Variants in ARMC2 observed in about 807,000 individuals in gnomAD.
ARMC2 encodes armadillo repeat-containing protein 2.
In ARMC2, 67 loss-of-function variants were observed where a neutral mutation model predicts 90.3. The ratio of observed to expected loss-of-function variants is 0.74; its 90% CI spans 0.61 to 0.91. The LOEUF (loss-of-function observed/expected upper bound fraction) is 0.91. Ranked by LOEUF, ARMC2 falls within the 40% of genes least tolerant of loss-of-function variation. The probability of loss-of-function intolerance (pLI) is 0.00; values close to 1 mark genes in which losing one functional copy is unlikely to be tolerated. For missense variants in ARMC2, 920 were observed against 1,030.9 expected, an observed-to-expected ratio of 0.89 and a Z score of 1.47; for synonymous variants, 393 against 393.0, an observed-to-expected ratio of 1.00 and a Z score of 0.00.
chr6:108,994,796 A>T, the ARMC2 span, among the ~76,000 whole-genome samples: 1 of 146,928 alleles, frequency 6.8e-6, no homozygotes, highest in East Asian at 2.1e-4. Context: ...TCCACCTCCC[A>T]GGTTCACGCC....
At chr6:109,032,272 C>CA in the ARMC2 span, among the ~76,000 whole-genome samples, 2 of 151,442 alleles carry the variant, frequency 1.3e-5, no homozygotes, top group African/African-American at 4.9e-5. Flanking sequence ...AACTCTGCCT[C>CA]AAAAAAGTCT....
At chr6:108,926,224 C>G (rs1200848926) in intron 10 of ARMC2, among the ~76,000 whole-genome samples, 1 of 152,132 alleles carries the variant, frequency 6.6e-6, no homozygotes, top group Non-Finnish European at 1.5e-5. Flanking sequence ...CCCATGATGT[C>G]TGTCTGCATG....
At chr6:109,034,158 T>C in the ARMC2 span, among the ~76,000 whole-genome samples, 11,012 of 152,264 alleles carry the variant, frequency 0.072, 907 homozygotes, top group African/African-American at 0.2. Flanking sequence ...CCTGTCTTAC[T>C]TGGAATATAA....
chr6:109,052,475 T>C, the ARMC2 span, among the ~76,000 whole-genome samples: 12 of 152,198 alleles, frequency 7.9e-5, no homozygotes, highest in Admixed American at 7.2e-4. Context: ...CTCTTTCTTA[T>C]GTATATTTTT....
intron 10 of ARMC2, among the ~76,000 whole-genome samples, chr6:108,916,067 A>G (rs911127951): frequency 1.1e-5 from 1 of 93,930 alleles, no homozygotes; most frequent in African/African-American, 3.4e-5. Context: ...AGACGGACTA[A>G]TGTTGCTTAG....
the ARMC2 span, among the ~76,000 whole-genome samples, chr6:109,032,698 T>C: frequency 6.6e-6 from 1 of 151,928 alleles, no homozygotes; most frequent in Non-Finnish European, 1.5e-5. Context: ...GAATATAAAT[T>C]GGAAGATGGC....
chr6:108,928,161 C>T lies in ARMC2; in HGVS notation c.1424C>T (p.Pro475Leu). 6 of 1,613,340 alleles carry T rather than the reference C, an allele frequency of 3.7e-6. No individual in the cohort carries two copies. The highest frequency in any genetic ancestry group is 5.1e-6 in the Non-Finnish European group (6 of 1,179,668). ...AAGTTCCTAAACATCAGTGCCCTTC[C>T]CCAGCTCTGCACGGCAATGGAACAG... ...RSKFLNISAL[P>L]QLCTAMEQYK... The change falls in exon 11 of 18, where the codon CCC (proline) becomes CTC (leucine). Residue 475 changes from proline (P) to leucine (L), a missense_variant. Coordinates refer to ENST00000392644, the MANE Select transcript of ARMC2 (RefSeq NM_032131.6).
At chr6:108,983,612 T>C in the ARMC2 span, among the ~76,000 whole-genome samples, 7 of 152,336 alleles carry the variant, frequency 4.6e-5, no homozygotes, top group East Asian at 1.2e-3. Flanking sequence ...ATGTTTGACT[T>C]TGTGCCAGTT....
intron 12 of ARMC2, among the ~76,000 whole-genome samples, chr6:108,943,733 A>AT (rs1776614424): frequency 6.6e-6 from 1 of 151,954 alleles, no homozygotes; most frequent in Non-Finnish European, 1.5e-5. Flanking sequence ...ACTTGGGAGG[A>AT]TGAGGCAGGA....
At chr6:109,016,226 A>C in the ARMC2 span, among the ~76,000 whole-genome samples, 1 of 152,218 alleles carries the variant, frequency 6.6e-6, no homozygotes, top group African/African-American at 2.4e-5. Context: ...AAACAAACCA[A>C]TGACAATATT....
intron 10 of ARMC2, among the ~76,000 whole-genome samples, chr6:108,916,247 T>C (rs2128475774): frequency 6.6e-6 from 1 of 152,340 alleles, no homozygotes; most frequent in South Asian, 2.1e-4. Context: ...GTCAAACATG[T>C]TCTGGGTGAT....
the ARMC2 span, among the ~76,000 whole-genome samples, chr6:109,036,485 A>C: frequency 6.6e-6 from 1 of 152,168 alleles, no homozygotes; most frequent in Non-Finnish European, 1.5e-5. Context: ...AAAAGAAACA[A>C]ACCAGTTTCT....
At chr6:108,943,967 T>G (rs1776632825) in intron 12 of ARMC2, among the ~76,000 whole-genome samples, 1 of 152,190 alleles carries the variant, frequency 6.6e-6, no homozygotes, top group African/African-American at 2.4e-5. Flanking sequence ...AGATTCTGAT[T>G]CAGGTCTGGG....
At position 108,961,661 on chromosome 6, in the gene ARMC2, A is replaced by C; in HGVS notation, c.2005A>C (p.Ile669Leu). The change falls in exon 14 of 18, where the codon ATA becomes CTA. Residue 669 changes from isoleucine to leucine, a missense_variant. Transcript: ENST00000392644. ...NLSYYQVKNS[I>L]IQDKKLYIAE... is the part of the protein sequence containing the mutation. Reference sequence around the variant, plus strand: ...ATCTTACTACCAAGTGAAGAATTCCATAATTCAAGACAAAAAGCTATATAT... The same window carrying C: ...ATCTTACTACCAAGTGAAGAATTCCCTAATTCAAGACAAAAAGCTATATAT... The C allele has an allele frequency of 6.2e-7, 1 of 1,611,126 alleles. No homozygotes were observed. Among genetic ancestry groups the C allele is most frequent in the South Asian group, 1.1e-5 (1 of 90,822 alleles).
rs113667720 is a variant in ARMC2, at chr6:108,972,839, A to ATT, written c.2447-504_2447-503dup. ...GCCCCCATGCCCAGATAATCTTCTG[A>ATT]TTTTTTTTTTTTTTTCTGAGCTGTC... On this transcript the variant is annotated intron_variant, in intron 17 of 17. Transcript: ENST00000392644. 5.5e-3 allele frequency among the ~76,000 whole-genome samples: 760 copies of ATT among 137,832 alleles called. 4 individuals carry two copies. Among genetic ancestry groups the ATT allele is most frequent in the African/African-American group, 0.017 (618 of 37,330 alleles). 90.4% of individuals were successfully genotyped at this position (137,832 alleles called of 152,430 possible).
Position 108,904,265 on chromosome 6 carries a change from C to G in ARMC2, c.883C>G (p.Gln295Glu), listed in dbSNP as rs1417971424. The stretch of plus-strand genomic sequence containing the variant: ...TGAAACGGTTTGTGCTGCTTGCACA[C>G]AACTTCATCATGCTTTAGAGGAAGG... The part of the protein sequence containing the change: ...NIETVCAACT[Q>E]LHHALEEGNM... Residue 295 changes from glutamine to glutamate, a missense_variant, in exon 8 of 18, where the codon CAA becomes GAA. Gln to Glu is a conservative substitution (Grantham distance 29). Coordinates refer to ENST00000392644, the MANE Select transcript of ARMC2 (RefSeq NM_032131.6). The G allele has an allele frequency of 2.5e-6, 4 of 1,613,814 alleles. No individual in the cohort carries two copies. Among genetic ancestry groups the G allele is most frequent in the Non-Finnish European group, 3.4e-6 (4 of 1,179,820 alleles).
intron 17 of ARMC2, among the ~76,000 whole-genome samples, chr6:108,971,004 C>T (rs1687654622): frequency 6.6e-6 from 1 of 151,950 alleles, no homozygotes; most frequent in African/African-American, 2.4e-5. Flanking sequence ...GGGTGGATCA[C>T]CTGAGGTCAG....
At chr6:108,919,216 C>G (rs150027076) in intron 10 of ARMC2, among the ~76,000 whole-genome samples, 1 of 152,082 alleles carries the variant, frequency 6.6e-6, no homozygotes, top group East Asian at 1.9e-4. Flanking sequence ...CCAGGCTGGC[C>G]GGGGTCTTTT....
chr6:108,977,836 G>A (rs1201621813), downstream of ARMC2, among the ~76,000 whole-genome samples: 1 of 152,108 alleles, frequency 6.6e-6, no homozygotes, highest in Non-Finnish European at 1.5e-5. Flanking sequence ...TGTAGGATCG[G>A]TGGTGATATC....
Sources: gnomAD v4.1 joint callset for allele counts (sites outside exome capture counted in the v4.1 genomes callset) on GRCh38, gnomAD v4.1.1 for gene constraint, MANE v1.5 for transcripts, NCBI Gene and HGNC (gene_info 2026-07-23, HGNC 2026-07-21) for gene names.